RELN: variants seen among roughly 807,000 people sequenced by gnomAD.
RELN encodes reelin.
In RELN, 108 loss-of-function variants were observed where a neutral mutation model predicts 427.6. The observed-to-expected ratio is 0.25, with a 90% CI of 0.22 to 0.30. RELN has a LOEUF of 0.30. RELN is among the 10% of genes least tolerant of loss of function. The pLI is 1.00. For synonymous variants in RELN, 1,524 were observed against 1,513.4 expected (o/e 1.01, Z -0.16); for missense variants, 3,715 against 4,302.8 (o/e 0.86, Z 3.82).
At chr7:103,845,145 AAT>A (rs111467341) in intron 2 of RELN, among the ~76,000 whole-genome samples, 54,609 of 150,616 alleles carry the variant, frequency 0.36, 10,258 homozygotes, top group Non-Finnish European at 0.42. Flanking sequence ...ATCAAAAAAA[AAT>A]TTTTTTTTTT....
At chr7:103,477,793 C>T (rs1368270812) in intron 64 of RELN, among the ~76,000 whole-genome samples, 2 of 152,126 alleles carry the variant, frequency 1.3e-5, no homozygotes, top group African/African-American at 4.8e-5. Context: ...TTTAAAGAAT[C>T]TCAGAGGACA....
rs113074976 is a variant in RELN at position 103,723,047 on chromosome 7, C to G, written c.805+93G>C. 3 of 777,304 alleles carry G rather than the reference C, an allele frequency of 3.9e-6. No individual in the cohort carries two copies. In the African/African-American group the frequency reaches 5.1e-5, roughly 13 times the overall value. The allele number at this position is 777,304 out of a possible 1,614,324, so 48.2% of individuals were successfully genotyped here. ...AATTAAGACTTACTATTCTGTAAAT[C>G]CAAAAGCATCTGGCATTATAATCCT... On this transcript the variant is annotated intron_variant, in intron 8 of 64. Coordinates refer to ENST00000428762, the MANE Select transcript of RELN (RefSeq NM_005045.4).
intron 3 of RELN, among the ~76,000 whole-genome samples, chr7:103,797,640 AC>A (rs1362518615): frequency 2.0e-5 from 3 of 152,114 alleles, no homozygotes; most frequent in African/African-American, 7.2e-5. Flanking sequence ...AGTTAGTGAG[AC>A]CCCTTTTGTA....
intron 63 of RELN, among the ~76,000 whole-genome samples, chr7:103,479,037 C>A (rs932679916): frequency 1.3e-5 from 2 of 152,158 alleles, no homozygotes; most frequent in African/African-American, 2.4e-5. Flanking sequence ...TATTAATTCA[C>A]TTTTTAGTAA....
intron 1 of RELN, among the ~76,000 whole-genome samples, chr7:103,986,125 C>T (rs577119488): frequency 1.3e-5 from 2 of 152,224 alleles, no homozygotes; most frequent in Non-Finnish European, 2.9e-5. Flanking sequence ...TGTATAGAGA[C>T]CTCCTTTCGC....
chr7:103,730,097 A>C (rs1790315706), intron 6 of RELN, among the ~76,000 whole-genome samples: 1 of 152,106 alleles, frequency 6.6e-6, no homozygotes, highest in Admixed American at 6.6e-5. Flanking sequence ...GGCTTAAGAG[A>C]AACATCAACT....
chr7:103,753,280 A>G, intron 4 of RELN, 66 bp from the exon 5 acceptor site: 1 of 1,524,658 alleles, frequency 6.6e-7, no homozygotes, highest in African/African-American at 1.4e-5. Context: ...AGTAATAAAG[A>G]GTCACAACAC....
intron 16 of RELN, among the ~76,000 whole-genome samples, chr7:103,644,370 G>C (rs1832753975): frequency 1.4e-5 from 2 of 147,988 alleles, no homozygotes; most frequent in African/African-American, 2.5e-5. Context: ...ATCAATTCAG[G>C]ATATGAATGA....
chr7:103,732,710 C>T (rs1339565270), intron 6 of RELN, among the ~76,000 whole-genome samples: 1 of 152,140 alleles, frequency 6.6e-6, no homozygotes, highest in African/African-American at 2.4e-5. Flanking sequence ...TGAAACAATA[C>T]TTAAATGCAT....
intron 25 of RELN, among the ~76,000 whole-genome samples, 159 bp downstream of exon 25, chr7:103,596,297 A>C (rs1584328681): frequency 6.6e-6 from 1 of 152,220 alleles, no homozygotes; most frequent in Non-Finnish European, 1.5e-5. Context: ...CCAGTCACTT[A>C]AGTGAAATAA....
chr7:103,987,042 T>C (rs1797115132), intron 1 of RELN, among the ~76,000 whole-genome samples: 1 of 142,934 alleles, frequency 7.0e-6, no homozygotes, highest in African/African-American at 2.6e-5. Context: ...CACTTCATTT[T>C]TAAACATGTA....
chr7:103,533,215 A>T (rs1829978415), intron 46 of RELN, among the ~76,000 whole-genome samples: 3 of 152,214 alleles, frequency 2.0e-5, no homozygotes, highest in Admixed American at 1.3e-4. Context: ...AGTCATTCCT[A>T]ACCCTTACTG....
chr7:103,776,492 A>G (rs1791745748), intron 4 of RELN, 65 bp downstream of exon 4: 9 of 1,519,964 alleles, frequency 5.9e-6, no homozygotes, highest in Non-Finnish European at 7.3e-6. Context: ...TACTTGGTAC[A>G]TAGAACACAG....
At chr7:103,864,707 A>G (rs369122761) in intron 2 of RELN, among the ~76,000 whole-genome samples, 3 of 152,162 alleles carry the variant, frequency 2.0e-5, no homozygotes, top group East Asian at 3.8e-4. Flanking sequence ...AAGGTAGAAA[A>G]TAAGGATTGG....
At position 103,539,059 on chromosome 7, in the gene RELN, C is replaced by G; in HGVS notation, c.7180+19G>C. 6.2e-7 allele frequency: 1 copy of G among 1,613,596 alleles called. No individual in the cohort carries two copies. The highest frequency in any genetic ancestry group is 8.5e-7 in the Non-Finnish European group (1 of 1,179,950). On this transcript the variant is annotated intron_variant, in intron 45 of 64. Transcript: ENST00000428762. Reference sequence around the variant, plus strand: ...CATGCCCACATGCCTGTCCCTCTATCTGGAGACGGCATACTCACCATAACA... The same window carrying G: ...CATGCCCACATGCCTGTCCCTCTATGTGGAGACGGCATACTCACCATAACA...
At position 103,929,369 on chromosome 7, in the gene RELN, G is replaced by C. The variant is rs566344538; in HGVS notation, c.227-12184C>G. Among the ~76,000 whole-genome samples, 3 of 152,112 alleles carry C rather than the reference G, an allele frequency of 2.0e-5. No individual in the cohort carries two copies. The South Asian group carries it at 6.2e-4, about 32-fold the overall frequency. On this transcript the variant is annotated intron_variant, in intron 1 of 64. Coordinates refer to ENST00000428762, the MANE Select transcript of RELN (RefSeq NM_005045.4). ...TAAACTTTTCATTTGGAATAACCTT[G>C]GTGAAAGAAGGTGAATAACCTTCTT...
rs567011568 is a variant in RELN at position 103,568,673 on chromosome 7, T to C, written c.4589-1914A>G. 4.6e-5 allele frequency among the ~76,000 whole-genome samples: 7 copies of C among 152,334 alleles called. No homozygotes were observed. The South Asian group carries it at 1.5e-3, about 32-fold the overall frequency. On this transcript the variant is annotated intron_variant, in intron 31 of 64. Coordinates refer to ENST00000428762, the MANE Select transcript of RELN (RefSeq NM_005045.4). Reference sequence around the variant, plus strand: ...ATGTCCTATGGGCTTTTTAGTGTGATATTGGATGTCTGAGGGTGCAGACAC... The same window carrying C: ...ATGTCCTATGGGCTTTTTAGTGTGACATTGGATGTCTGAGGGTGCAGACAC...
chr7:103,964,742 C>G (rs748691673), intron 1 of RELN, among the ~76,000 whole-genome samples: 5 of 152,054 alleles, frequency 3.3e-5, no homozygotes, highest in Non-Finnish European at 5.9e-5. Flanking sequence ...CTTTACAGTC[C>G]CCAAGACATT....
At chr7:103,823,888 A>G (rs1323495052) in intron 3 of RELN, among the ~76,000 whole-genome samples, 2 of 152,082 alleles carry the variant, frequency 1.3e-5, no homozygotes, top group African/African-American at 4.8e-5. Context: ...GCATTTTTAA[A>G]AAATTTATCT....
Sources: allele counts gnomAD v4.1 joint callset (sites outside exome capture counted in the v4.1 genomes callset), GRCh38; gene constraint gnomAD v4.1.1; transcripts MANE v1.5; gene names NCBI Gene and HGNC (gene_info 2026-07-23, HGNC 2026-07-21).